The following TMEM117 variants were observed in gnomAD, a reference collection of about 807,000 sequenced individuals.
TMEM117 encodes the protein transmembrane protein 117.
Under a neutral mutation model 52.4 loss-of-function variants are expected in TMEM117, and 27 were observed. That is an observed-to-expected ratio of 0.51 (90% CI 0.38 to 0.71). The LOEUF (loss-of-function observed/expected upper bound fraction) is 0.71. TMEM117 is among the 30% of genes least tolerant of loss of function. TMEM117 has a pLI of 0.00. For synonymous variants in TMEM117, 215 were observed against 206.3 expected (o/e 1.04, Z -0.36); for missense variants, 556 against 630.5 (o/e 0.88, Z 1.26).
chr12:44,094,218 C>T (rs1054908300), intron 3 of TMEM117, among the ~76,000 whole-genome samples: 2 of 152,120 alleles, frequency 1.3e-5, no homozygotes, highest in African/African-American at 4.8e-5. Flanking sequence ...TATGCATTAG[C>T]TCCAATGACA....
chr12:44,042,765 C>T (rs1390575157), intron 3 of TMEM117, among the ~76,000 whole-genome samples: 1 of 34,756 alleles, frequency 2.9e-5, no homozygotes, highest in Non-Finnish European at 5.5e-5. Flanking sequence ...ATAAACTACA[C>T]ACACACACAC....
intron 6 of TMEM117, among the ~76,000 whole-genome samples, chr12:44,344,451 T>C (rs1364637356): frequency 6.6e-6 from 1 of 152,092 alleles, no homozygotes; most frequent in African/African-American, 2.4e-5. Flanking sequence ...TGTTTTCATT[T>C]CTGCTAGGCC....
At chr12:44,252,593 T>C (rs1449664182) in intron 5 of TMEM117, among the ~76,000 whole-genome samples, 1 of 152,224 alleles carries the variant, frequency 6.6e-6, no homozygotes, top group Non-Finnish European at 1.5e-5. Context: ...ATCCCTATTA[T>C]GTAATCAGGG....
At chr12:43,868,555 TAAAC>T (rs1275630794) in intron 2 of TMEM117, among the ~76,000 whole-genome samples, 21 of 138,602 alleles carry the variant, frequency 1.5e-4, no homozygotes, top group African/African-American at 5.5e-4. Context: ...CGTCTCAAAA[TAAAC>T]AACCCCACCC....
At chr12:44,058,070 G>T (rs1441217101) in intron 3 of TMEM117, among the ~76,000 whole-genome samples, 4 of 152,064 alleles carry the variant, frequency 2.6e-5, no homozygotes, top group African/African-American at 9.7e-5. Context: ...CCATTTGAGA[G>T]CAGCTGTGCT....
intron 3 of TMEM117, among the ~76,000 whole-genome samples, chr12:44,027,537 T>C (rs1350552887): frequency 2.6e-5 from 4 of 152,190 alleles, no homozygotes; most frequent in Admixed American, 2.0e-4. Context: ...TATAGTAGAA[T>C]GTTCCTCCAT....
At chr12:44,172,189 A>G (rs1401165969) in intron 4 of TMEM117, among the ~76,000 whole-genome samples, 3 of 152,218 alleles carry the variant, frequency 2.0e-5, no homozygotes, top group Non-Finnish European at 4.4e-5. Flanking sequence ...TTTACTGTCT[A>G]TATTAGATTC....
chr12:43,884,666 G>A (rs1731423), intron 2 of TMEM117, among the ~76,000 whole-genome samples: 106,535 of 152,134 alleles, frequency 0.7, 41,296 homozygotes, highest in East Asian at 0.87. Flanking sequence ...TTTGCCTGTC[G>A]TGGAGTCCTA....
chr12:44,337,225 T>C (rs1205455227), intron 6 of TMEM117, among the ~76,000 whole-genome samples: 1 of 151,994 alleles, frequency 6.6e-6, no homozygotes, highest in Non-Finnish European at 1.5e-5. Context: ...TGCTCTCTGC[T>C]TCCAAGATGG....
chr12:43,969,023 A>C (rs1476290998), intron 3 of TMEM117, among the ~76,000 whole-genome samples: 1 of 152,154 alleles, frequency 6.6e-6, no homozygotes, highest in Admixed American at 6.5e-5. Context: ...AAATATAAAA[A>C]GATATAATAA....
chr12:44,305,160 T>G (rs1950888787), intron 6 of TMEM117, among the ~76,000 whole-genome samples: 1 of 152,160 alleles, frequency 6.6e-6, no homozygotes, highest in Admixed American at 6.5e-5. Context: ...TGTGTGAACA[T>G]CAGCAGTAGC....
chr12:43,880,394 CT>C (rs149446194), intron 2 of TMEM117, among the ~76,000 whole-genome samples: 37 of 148,722 alleles, frequency 2.5e-4, no homozygotes, highest in African/African-American at 5.7e-4. Flanking sequence ...ATTTTTATTC[CT>C]TTTTTTTTTC....
chr12:44,367,953 T>G (rs1951812329), intron 6 of TMEM117, among the ~76,000 whole-genome samples: 1 of 152,116 alleles, frequency 6.6e-6, no homozygotes, highest in African/African-American at 2.4e-5. Context: ...TGCAACAGTC[T>G]CCTAATAGAT....
rs189481005 is a variant in TMEM117 at position 44,282,813 on chromosome 12, G to C, written c.609-16767G>C. Among the ~76,000 whole-genome samples the C allele has an allele frequency of 1.4e-4, 21 of 152,332 alleles. No individual in the cohort carries two copies. In the East Asian group the frequency reaches 3.7e-3, roughly 27 times the overall value. ...AAGACCACGTGTAAAATATCTCCAGGCTGTGTCAGAGACCTTCACAGCAGC... is the reference window on the plus strand; with the variant it reads ...AAGACCACGTGTAAAATATCTCCAGCCTGTGTCAGAGACCTTCACAGCAGC... On this transcript the variant is annotated intron_variant, in intron 5 of 7. Transcript: ENST00000266534.
intron 3 of TMEM117, among the ~76,000 whole-genome samples, chr12:44,100,489 C>T (rs1326246886): frequency 6.6e-6 from 1 of 151,878 alleles, no homozygotes. Context: ...TATTTAATGC[C>T]AGGTTCATTC....
chr12:44,080,204 T>C (rs1217696324), intron 3 of TMEM117, among the ~76,000 whole-genome samples: 1 of 152,060 alleles, frequency 6.6e-6, no homozygotes, highest in Non-Finnish European at 1.5e-5. Context: ...GGGTAATTTA[T>C]AGAGGAAAGA....
At chr12:44,114,167 T>C (rs562170028) in intron 3 of TMEM117, among the ~76,000 whole-genome samples, 11 of 152,052 alleles carry the variant, frequency 7.2e-5, no homozygotes, top group African/African-American at 2.7e-4. Context: ...TCACCCGTCT[T>C]CTGCGTCGCT....
At chr12:44,091,903 T>G (rs181182331) in intron 3 of TMEM117, among the ~76,000 whole-genome samples, 1 of 152,332 alleles carries the variant, frequency 6.6e-6, no homozygotes, top group East Asian at 1.9e-4. Context: ...TAACCATATA[T>G]TTGGATATGT....
At chr12:44,141,853 G>A (rs554560902) in intron 3 of TMEM117, among the ~76,000 whole-genome samples, 144 of 152,218 alleles carry the variant, frequency 9.5e-4, no homozygotes, top group African/African-American at 3.2e-3. Flanking sequence ...CTTGATGGTT[G>A]CTCTGGAGAG....
Sources: gnomAD v4.1 joint callset for allele counts (sites outside exome capture counted in the v4.1 genomes callset) on GRCh38, gnomAD v4.1.1 for gene constraint, MANE v1.5 for transcripts, NCBI Gene and HGNC (gene_info 2026-07-23, HGNC 2026-07-21) for gene names.